Variants in LRRIQ3 observed in about 807,000 individuals in gnomAD.
The protein encoded by LRRIQ3 is leucine rich repeats and IQ motif containing 3.
Under a neutral mutation model 59.3 loss-of-function variants are expected in LRRIQ3, and 75 were observed. The ratio of observed to expected loss-of-function variants is 1.26; its 90% CI spans 1.05 to 1.53. The LOEUF is 1.53. Among genes scored for constraint, LRRIQ3 ranks in the 40% most tolerant of loss-of-function variants. LRRIQ3 has a pLI of 0.00. For missense variants in LRRIQ3, 831 were observed against 710.0 expected, an observed-to-expected ratio of 1.17 and a Z score of -1.94; for synonymous variants, 250 against 231.3, an observed-to-expected ratio of 1.08 and a Z score of -0.73.
In LRRIQ3 at chr1:74,189,872, G is replaced by T. The variant is rs535861346; in HGVS notation, c.1-6188C>A. On this transcript the variant is annotated intron_variant, in intron 1 of 7. Transcript: ENST00000354431. Reference sequence around the variant, plus strand: ...TTCTTTATAAATTACCCGGTGTTGAGTGTGTCTTTATCAGCAGCATGAAAA... The same window carrying T: ...TTCTTTATAAATTACCCGGTGTTGATTGTGTCTTTATCAGCAGCATGAAAA... Among the ~76,000 whole-genome samples the T allele has an allele frequency of 3.3e-5, 5 of 152,230 alleles. No homozygotes were observed. In the South Asian group the frequency reaches 1.0e-3, roughly 32 times the overall value.
chr1:74,027,259 C>T (rs1653544574), intron 7 of LRRIQ3, among the ~76,000 whole-genome samples: 1 of 152,060 alleles, frequency 6.6e-6, no homozygotes, highest in Admixed American at 6.6e-5. Flanking sequence ...CTCCTTAAGC[C>T]TCACTAAACC....
chr1:74,178,634 T>C (rs957894381), intron 3 of LRRIQ3, among the ~76,000 whole-genome samples: 1 of 152,184 alleles, frequency 6.6e-6, no homozygotes, highest in African/African-American at 2.4e-5. Context: ...AAATATTAGT[T>C]GCCTTACAAG....
At chr1:74,130,405 A>G (rs1376469981) in intron 4 of LRRIQ3, among the ~76,000 whole-genome samples, 1 of 152,072 alleles carries the variant, frequency 6.6e-6, no homozygotes, top group Non-Finnish European at 1.5e-5. Context: ...TTCAATGCAA[A>G]GTTCCACAAT....
chr1:74,107,253 C>T (rs746029464), intron 5 of LRRIQ3, among the ~76,000 whole-genome samples: 1 of 151,950 alleles, frequency 6.6e-6, no homozygotes, highest in African/African-American at 2.4e-5. Flanking sequence ...AATTACTGAA[C>T]CTTGAATTCT....
At chr1:74,152,591 C>G (rs1446799348) in intron 4 of LRRIQ3, among the ~76,000 whole-genome samples, 1 of 152,086 alleles carries the variant, frequency 6.6e-6, no homozygotes, top group Non-Finnish European at 1.5e-5. Flanking sequence ...GTGAATAACC[C>G]TCTGTGTTGG....
intron 7 of LRRIQ3, among the ~76,000 whole-genome samples, chr1:74,030,101 C>A (rs948778714): frequency 2.0e-5 from 3 of 152,098 alleles, no homozygotes; most frequent in Non-Finnish European, 4.4e-5. Flanking sequence ...CTACAAACCA[C>A]TGCTCAACAA....
chr1:74,097,020 G>A (rs1646458665), intron 5 of LRRIQ3, among the ~76,000 whole-genome samples: 1 of 152,132 alleles, frequency 6.6e-6, no homozygotes, highest in Non-Finnish European at 1.5e-5. Flanking sequence ...GAGGCAGTCT[G>A]TCTGTTCTCA....
At chr1:74,127,586 G>A (rs568387814) in intron 4 of LRRIQ3, among the ~76,000 whole-genome samples, 34 of 151,816 alleles carry the variant, frequency 2.2e-4, no homozygotes, top group African/African-American at 8.0e-4. Flanking sequence ...AACAAAAAAA[G>A]AGAATTGTAA....
chr1:74,120,624 T>A (rs183729658), intron 4 of LRRIQ3, among the ~76,000 whole-genome samples: 71 of 152,092 alleles, frequency 4.7e-4, no homozygotes, highest in Middle Eastern at 6.8e-3. Context: ...ATAATCTAAT[T>A]TCTTTCTTAT....
intron 6 of LRRIQ3, among the ~76,000 whole-genome samples, chr1:74,049,212 G>A (rs17094787): frequency 0.019 from 2,927 of 152,274 alleles, 81 homozygotes; most frequent in African/African-American, 0.067. Context: ...GAGTGGTGCT[G>A]GAGACGCTCA....
chr1:74,158,789 T>C (rs1024240646), intron 3 of LRRIQ3, among the ~76,000 whole-genome samples: 5 of 152,174 alleles, frequency 3.3e-5, no homozygotes, highest in Admixed American at 1.3e-4. Flanking sequence ...TGTTTGTTTA[T>C]AACAAGACCT....
chr1:74,155,865 C>G lies in LRRIQ3; in HGVS notation c.575G>C (p.Gly192Ala). Residue 192 changes from glycine (G) to alanine (A), a missense_variant and splice_region_variant, in exon 4 of 8, where the codon GGA (glycine) becomes GCA (alanine). Physicochemically the swap from Gly to Ala is moderately conservative, Grantham distance 60. Coordinates refer to ENST00000354431, the MANE Select transcript of LRRIQ3 (RefSeq NM_001105659.2). ...ATTAATTTCCTCTTCATAGGTTGTT[C>G]CCTGTATAAAGAAAATATAATTAAT... ...FFNFCPALRK[G>A]TTYEEEINNI... The G allele has an allele frequency of 7.4e-7, 1 of 1,351,042 alleles. No individual in the cohort carries two copies. Among genetic ancestry groups the G allele is most frequent in the East Asian group, 2.6e-5 (1 of 38,462 alleles). The allele number at this position is 1,351,042 out of a possible 1,614,324, so 83.7% of individuals were successfully genotyped here.
At position 74,026,859 on chromosome 1, in the gene LRRIQ3, A is replaced by G. The variant is rs200945490; in HGVS notation, c.1829T>C (p.Val610Ala). 6.1e-4 allele frequency: 975 copies of G among 1,608,776 alleles called. 6 individuals carry two copies. The highest frequency in any genetic ancestry group is 2.4e-4 in the Non-Finnish European group (285 of 1,177,720). ...AACTTTAAAGTCTAAATTTGTTTTC[A>G]CAATTGCTACTTTTGTTTTAGCATC... Reference protein sequence around the residue: ...LQDAKTKVAIVKTNLDFKVPN... With the variant: ...LQDAKTKVAIAKTNLDFKVPN... The change falls in exon 8 of 8, where the codon GTG becomes GCG. Residue 610 changes from valine to alanine, a missense_variant. By Grantham distance (64) the Val-to-Ala change is moderately conservative (BLOSUM62 0). Transcript: ENST00000354431.
At position 74,178,258 on chromosome 1, in the gene LRRIQ3, C is replaced by T. The variant is rs186655499; in HGVS notation, c.573+4280G>A. On this transcript the variant is annotated intron_variant, in intron 3 of 7. Transcript: ENST00000354431. ...TTATAATACACTTACAATTTACTTACATTTACATTCAGGTAACATCCATAA... is the reference window on the plus strand; with the variant it reads ...TTATAATACACTTACAATTTACTTATATTTACATTCAGGTAACATCCATAA... 3.9e-5 allele frequency among the ~76,000 whole-genome samples: 6 copies of T among 152,012 alleles called. No individual in the cohort carries two copies. In the East Asian group the frequency reaches 5.8e-4, roughly 15 times the overall value.
intron 5 of LRRIQ3, among the ~76,000 whole-genome samples, chr1:74,097,986 A>G (rs1424332623): frequency 6.6e-6 from 1 of 152,240 alleles, no homozygotes; most frequent in Non-Finnish European, 1.5e-5. Flanking sequence ...GCTAGGAAGA[A>G]ACTGCATCAA....
intron 6 of LRRIQ3, among the ~76,000 whole-genome samples, chr1:74,061,570 C>T (rs1042017217): frequency 2.0e-5 from 3 of 151,946 alleles, no homozygotes; most frequent in African/African-American, 7.2e-5. Context: ...GAAAACTCGA[C>T]CACTTCCTTA....
intron 6 of LRRIQ3, among the ~76,000 whole-genome samples, chr1:74,048,640 AG>A (rs1654273120): frequency 6.6e-6 from 1 of 151,426 alleles, no homozygotes; most frequent in Admixed American, 6.6e-5. Context: ...CAAATATAAA[AG>A]TTATTATTCA....
In LRRIQ3 at chr1:74,182,673, G is replaced by T. The variant is rs1341000612; in HGVS notation, c.438C>A (p.Asn146Lys). The T allele has an allele frequency of 6.2e-7, 1 of 1,612,278 alleles. No individual in the cohort carries two copies. The highest frequency in any genetic ancestry group is 2.2e-5 in the East Asian group (1 of 44,764). ...CCAGCGCTTTGAGAGGCCATATACTGTTAACAAGAACATGTCTATATCCTT... is the reference window on the plus strand; with the variant it reads ...CCAGCGCTTTGAGAGGCCATATACTTTTAACAAGAACATGTCTATATCCTT... ...LKKGYRHVLV[N>K]SIWPLKALDH... The change falls in exon 3 of 8, where the codon AAC becomes AAA. Residue 146 changes from asparagine to lysine, a missense_variant. Asn to Lys is a moderately conservative substitution (Grantham distance 94, BLOSUM62 0). Coordinates refer to ENST00000354431, the MANE Select transcript of LRRIQ3 (RefSeq NM_001105659.2).
chr1:74,111,607 T>C (rs1290440996), intron 4 of LRRIQ3, among the ~76,000 whole-genome samples: 4 of 152,022 alleles, frequency 2.6e-5, no homozygotes, highest in African/African-American at 4.8e-5. Context: ...CAATATCTAG[T>C]GGAAATTATT....
Sources: gnomAD v4.1 joint callset for allele counts (sites outside exome capture counted in the v4.1 genomes callset) on GRCh38, gnomAD v4.1.1 for gene constraint, MANE v1.5 for transcripts, NCBI Gene and HGNC (gene_info 2026-07-23, HGNC 2026-07-21) for gene names.